The following FHDC1 variants were observed in gnomAD, a reference collection of about 807,000 sequenced individuals.
FHDC1 encodes the protein FH2 domain-containing protein 1.
Under a neutral mutation model 52.6 loss-of-function variants are expected in FHDC1, and 25 were observed. The observed-to-expected ratio is 0.48, with a 90% confidence interval of 0.35 to 0.66. The LOEUF (loss-of-function observed/expected upper bound fraction) is 0.66, where lower values mean the gene tolerates loss of function less well. Ranked by LOEUF, FHDC1 falls within the 30% of genes least tolerant of loss-of-function variation. The probability of loss-of-function intolerance (pLI) is 0.01; values close to 1 mark genes in which losing one functional copy is unlikely to be tolerated. For missense variants in FHDC1, 1,459 were observed against 1,452.8 expected (o/e 1.00, Z -0.07); for synonymous variants, 616 against 581.5 (o/e 1.06, Z -0.85).
chr4:152,965,462 CAGAG>C (rs946777250), intron 9 of FHDC1, among the ~76,000 whole-genome samples: 4 of 152,268 alleles, frequency 2.6e-5, no homozygotes, highest in African/African-American at 4.8e-5. Context: ...AAGGCACATA[CAGAG>C]AAAGTATCTG....
At chr4:152,931,618 G>A (rs150632847), upstream of FHDC1, among the ~76,000 whole-genome samples, 258 of 152,124 alleles carry the variant, frequency 1.7e-3, 3 homozygotes, top group African/African-American at 6.1e-3. Flanking sequence ...GGTAAAGGTT[G>A]TCTTTAATCT....
chr4:152,942,083 C>T (rs1739589188), intron 1 of FHDC1, among the ~76,000 whole-genome samples: 1 of 152,158 alleles, frequency 6.6e-6, no homozygotes, highest in Non-Finnish European at 1.5e-5. Context: ...GTATAAGGGA[C>T]ATGTGGCAGA....
intron 2 of FHDC1, among the ~76,000 whole-genome samples, chr4:152,948,758 G>A (rs1739814156): frequency 6.6e-6 from 1 of 152,118 alleles, no homozygotes; most frequent in Middle Eastern, 3.2e-3. Flanking sequence ...ACTGGGCTGA[G>A]AGTTAATTGT....
At chr4:152,924,170 A>C in the FHDC1 span, among the ~76,000 whole-genome samples, 1 of 152,186 alleles carries the variant, frequency 6.6e-6, no homozygotes, top group Non-Finnish European at 1.5e-5. Flanking sequence ...AGAAAAAAAA[A>C]CCAACAACCC....
chr4:152,969,257 G>A (rs140809820), intron 10 of FHDC1, among the ~76,000 whole-genome samples: 3 of 152,318 alleles, frequency 2.0e-5, no homozygotes, highest in East Asian at 1.9e-4. Context: ...TGAAGCCTTC[G>A]CTTCTTAATT....
the FHDC1 span, among the ~76,000 whole-genome samples, chr4:152,923,215 C>T: frequency 1.3e-5 from 2 of 152,124 alleles, no homozygotes; most frequent in Non-Finnish European, 2.9e-5. Flanking sequence ...ACACCAATAA[C>T]AGACAAACAG....
the FHDC1 span, among the ~76,000 whole-genome samples, chr4:152,925,380 G>A: frequency 2.0e-5 from 3 of 151,982 alleles, no homozygotes; most frequent in Non-Finnish European, 4.4e-5. Flanking sequence ...TTTCTTGGTA[G>A]CCTATTTTAT....
At chr4:152,955,857 T>C (rs993982506) in intron 4 of FHDC1, among the ~76,000 whole-genome samples, 14 of 152,190 alleles carry the variant, frequency 9.2e-5, no homozygotes, top group African/African-American at 3.4e-4. Context: ...CCCTCCCCTT[T>C]CCCACTCTTC....
chr4:152,962,747 T>C lies in FHDC1; in HGVS notation c.851-67T>C, dbSNP rs575331059. 225 of 1,302,948 alleles carry C rather than the reference T, an allele frequency of 1.7e-4. 1 individual carries two copies. In the East Asian group the frequency reaches 4.6e-3, roughly 27 times the overall value. 80.7% of individuals were successfully genotyped at this position (1,302,948 alleles called of 1,614,324 possible). A position where few individuals can be genotyped will look rare whatever the true frequency, so the allele number is the denominator to read the frequency against. Reference sequence around the variant, plus strand: ...CAGATACACTTGAACTTGGATGTGGTAGCTGTCTTTTGTGCATTTGAAACT... The same window carrying C: ...CAGATACACTTGAACTTGGATGTGGCAGCTGTCTTTTGTGCATTTGAAACT... On this transcript the variant is annotated intron_variant, in intron 6 of 11. Coordinates refer to ENST00000511601, the MANE Select transcript of FHDC1 (RefSeq NM_001371116.1).
the FHDC1 span, among the ~76,000 whole-genome samples, chr4:152,917,244 T>A: frequency 6.6e-6 from 1 of 152,236 alleles, no homozygotes; most frequent in Non-Finnish European, 1.5e-5. Flanking sequence ...AATTAGCATA[T>A]ACTACTATTC....
chr4:152,932,122 A>G (rs1172621683), upstream of FHDC1, among the ~76,000 whole-genome samples: 4 of 152,022 alleles, frequency 2.6e-5, no homozygotes, highest in African/African-American at 4.8e-5. Context: ...GGTGGCTCAC[A>G]TCTGTAATCC....
At chr4:152,914,090 T>C in the FHDC1 span, among the ~76,000 whole-genome samples, 1 of 152,212 alleles carries the variant, frequency 6.6e-6, no homozygotes, top group Non-Finnish European at 1.5e-5. Context: ...AAGTAGGCTA[T>C]TTTCTGATCA....
At chr4:152,918,023 G>A in the FHDC1 span, among the ~76,000 whole-genome samples, 20 of 152,168 alleles carry the variant, frequency 1.3e-4, no homozygotes, top group Non-Finnish European at 2.4e-4. Context: ...CAAGGGAAAG[G>A]CAAGTATTAA....
the FHDC1 span, among the ~76,000 whole-genome samples, chr4:152,926,602 C>A: frequency 3.3e-5 from 5 of 150,944 alleles, no homozygotes; most frequent in Non-Finnish European, 7.4e-5. Flanking sequence ...AAAAAGGTGG[C>A]CTTGTTATGT....
Position 152,965,402 on chromosome 4 carries a change from G to A in FHDC1, c.1100+427G>A, listed in dbSNP as rs137947423. Among the ~76,000 whole-genome samples the A allele has an allele frequency of 9.4e-3, 1,426 of 152,142 alleles. 10 individuals carry two copies. The highest frequency in any genetic ancestry group is 0.016 in the Non-Finnish European group (1,072 of 67,996). On this transcript the variant is annotated intron_variant, in intron 9 of 11. Transcript: ENST00000511601. ...CTTTGCATTAAAAGAGTTTGTAACC[G>A]TACCAAGAGCTGTGAAATGATTTTA... is the stretch of plus-strand genomic sequence containing the variant.
chr4:152,969,433 A>T (rs575928866), intron 10 of FHDC1, among the ~76,000 whole-genome samples: 1 of 152,400 alleles, frequency 6.6e-6, no homozygotes, highest in South Asian at 2.1e-4. Flanking sequence ...AATACTGAAC[A>T]GTAAACGAAT....
In FHDC1 at chr4:152,976,195, T is replaced by C; in HGVS notation, c.2904T>C (p.Arg968=). 6.2e-7 allele frequency: 1 copy of C among 1,612,618 alleles called. No individual in the cohort carries two copies. The highest frequency in any genetic ancestry group is 1.1e-5 in the South Asian group (1 of 91,080). ...PRGSSGSSST[R]PGRDVPLQPR... is the part of the protein sequence containing the mutation. ...GGAGCAGCGGCTCCAGCAGCACCCG[T>C]CCGGGGAGGGACGTTCCCCTGCAGC... is the stretch of plus-strand genomic sequence containing the variant. Residue 968 remains arginine (R), a synonymous_variant, in exon 12 of 12, where the codon CGT becomes CGC. Transcript: ENST00000511601.
rs1740565446 is a variant in FHDC1 at position 152,969,371 on chromosome 4, A to G, written c.1218+1274A>G. ...AACATGTGCTCTGTATTTTCCTTCA[A>G]GTAAAACCAAACTAATTTTCTTGTT... On this transcript the variant is annotated intron_variant, in intron 10 of 11. Coordinates refer to ENST00000511601, the MANE Select transcript of FHDC1 (RefSeq NM_001371116.1). 2.0e-5 allele frequency among the ~76,000 whole-genome samples: 3 copies of G among 152,222 alleles called. 1 individual carries two copies. In the South Asian group the frequency reaches 6.2e-4, roughly 32 times the overall value.
At chr4:152,950,884 C>G (rs932066928) in intron 2 of FHDC1, among the ~76,000 whole-genome samples, 1 of 152,228 alleles carries the variant, frequency 6.6e-6, no homozygotes, top group Non-Finnish European at 1.5e-5. Flanking sequence ...CCAGGCTAAC[C>G]TATCAGTTCA....
Sources: gnomAD v4.1 joint callset for allele counts (sites outside exome capture counted in the v4.1 genomes callset) on GRCh38, gnomAD v4.1.1 for gene constraint, MANE v1.5 for transcripts, NCBI Gene and HGNC (gene_info 2026-07-23, HGNC 2026-07-21) for gene names.